The following IL34 variants were observed in gnomAD, a reference collection of about 807,000 sequenced individuals.
IL34 encodes interleukin-34.
IL34 carries 17 observed loss-of-function variants against 25.3 expected under a neutral mutation model. That is an observed-to-expected ratio of 0.67 (90% CI 0.46 to 1.01). The LOEUF is 1.01. IL34 is among the 50% of genes least tolerant of loss of function. The pLI, the probability that IL34 is intolerant of heterozygous loss-of-function variation, is 0.00. For missense variants in IL34, 368 were observed against 312.9 expected (o/e 1.18, Z -1.33); for synonymous variants, 174 against 140.9 (o/e 1.23, Z -1.66).
chr16:70,635,397 C>T (rs1013890993), intron 1 of IL34, among the ~76,000 whole-genome samples: 4 of 152,210 alleles, frequency 2.6e-5, no homozygotes, highest in Non-Finnish European at 5.9e-5. Context: ...TCTTTTGTCT[C>T]CTGCTGCTCT....
At chr16:70,617,737 G>A (rs1319165490) in intron 1 of IL34, among the ~76,000 whole-genome samples, 4 of 151,944 alleles carry the variant, frequency 2.6e-5, no homozygotes, top group Non-Finnish European at 5.9e-5. Flanking sequence ...GACCGTAAGG[G>A]ATATAAAGGT....
chr16:70,642,610 A>T (rs1405068482), upstream of IL34, among the ~76,000 whole-genome samples: 2 of 151,964 alleles, frequency 1.3e-5, no homozygotes, highest in Non-Finnish European at 2.9e-5. Context: ...TTCTTTTCTT[A>T]TAAAGGCATT....
At chr16:70,619,426 A>G (rs12928913) in intron 1 of IL34, among the ~76,000 whole-genome samples, 69,924 of 151,744 alleles carry the variant, frequency 0.46, 16,449 homozygotes, top group South Asian at 0.63. Flanking sequence ...TAGTTAGAGT[A>G]TCTCGGCCTA....
intron 1 of IL34, among the ~76,000 whole-genome samples, chr16:70,623,810 A>T (rs1261872311): frequency 6.6e-6 from 1 of 150,986 alleles, no homozygotes; most frequent in Non-Finnish European, 1.5e-5. Context: ...AGGAGTGCTT[A>T]AAAGAGTATC....
chr16:70,585,233 C>A (rs2050678930), intron 1 of IL34, among the ~76,000 whole-genome samples: 2 of 152,136 alleles, frequency 1.3e-5, no homozygotes, highest in African/African-American at 4.8e-5. Context: ...TTATGACTGG[C>A]TCATTTCACT....
intron 4 of IL34, 27 bp from the exon 5 acceptor site, chr16:70,659,591 C>A: frequency 6.3e-7 from 1 of 1,584,374 alleles, no homozygotes; most frequent in Non-Finnish European, 8.6e-7. Context: ...ATCTCGCCAC[C>A]GCTCCTGACT....
intron 1 of IL34, among the ~76,000 whole-genome samples, chr16:70,625,097 C>G (rs981203912): frequency 6.6e-6 from 1 of 152,024 alleles, no homozygotes. Context: ...CTATTTGGAA[C>G]TACTGTTGAG....
At chr16:70,621,248 G>A (rs1205556103) in intron 1 of IL34, among the ~76,000 whole-genome samples, 3 of 152,134 alleles carry the variant, frequency 2.0e-5, no homozygotes, top group African/African-American at 7.2e-5. Context: ...AATCAGAGAG[G>A]CGTCCCTGCA....
chr16:70,592,904 C>T (rs773822940), intron 1 of IL34, among the ~76,000 whole-genome samples: 14 of 152,182 alleles, frequency 9.2e-5, no homozygotes, highest in Admixed American at 1.3e-4. Context: ...CTGCCCGCCT[C>T]GGCCTCCCAA....
intron 1 of IL34, among the ~76,000 whole-genome samples, chr16:70,622,493 A>G (rs2051303543): frequency 6.6e-6 from 1 of 151,900 alleles, no homozygotes; most frequent in Non-Finnish European, 1.5e-5. Context: ...GGCTTGTACT[A>G]TAGCATAGCC....
intron 1 of IL34, among the ~76,000 whole-genome samples, chr16:70,622,172 G>A (rs1348782085): frequency 1.3e-5 from 2 of 152,170 alleles, no homozygotes; most frequent in East Asian, 1.9e-4. Flanking sequence ...GAGGAATTAT[G>A]TCTGACAAAA....
chr16:70,590,395 A>G (rs745962534), intron 1 of IL34, among the ~76,000 whole-genome samples: 15 of 152,190 alleles, frequency 9.9e-5, no homozygotes, highest in Admixed American at 5.9e-4. Context: ...CCATTAGCGG[A>G]GGCAGGTAAG....
chr16:70,585,111 A>G (rs977885851), intron 1 of IL34, among the ~76,000 whole-genome samples: 4 of 151,874 alleles, frequency 2.6e-5, no homozygotes, highest in East Asian at 3.9e-4. Flanking sequence ...CAAACTCCCC[A>G]TTTCCCTACC....
intron 2 of IL34, 124 bp downstream of exon 2, chr16:70,654,795 T>G (rs1405207343): frequency 8.0e-7 from 1 of 1,243,496 alleles, no homozygotes; most frequent in Admixed American, 2.5e-5. Context: ...ATGGCCTGTT[T>G]CTCTGCCTTT....
At chr16:70,641,644 C>A (rs1423351122), upstream of IL34, among the ~76,000 whole-genome samples, 1 of 151,092 alleles carries the variant, frequency 6.6e-6, no homozygotes, top group Non-Finnish European at 1.5e-5. Flanking sequence ...TGGCCTGTTG[C>A]TGCCTCCACC....
Position 70,648,456 on chromosome 16 carries a change from G to C in IL34, c.28+1481G>C, listed in dbSNP as rs578079478. The stretch of plus-strand genomic sequence containing the variant: ...TAATCCCAGCTACTCAGGAGGCTGA[G>C]GTGGGAGGATCACTTGAGCCCAGGA... On this transcript the variant is annotated intron_variant, in intron 1 of 5. Transcript: ENST00000288098. 4.0e-5 allele frequency among the ~76,000 whole-genome samples: 6 copies of C among 151,664 alleles called. No homozygotes were observed. In the East Asian group the frequency reaches 9.8e-4, roughly 25 times the overall value.
intron 1 of IL34, among the ~76,000 whole-genome samples, chr16:70,631,807 C>A (rs775716159): frequency 2.6e-5 from 4 of 152,100 alleles, no homozygotes; most frequent in Admixed American, 6.6e-5. Context: ...TTGTGTGTAA[C>A]CTCAGACAAG....
chr16:70,648,859 G>C (rs2151873599), intron 1 of IL34, among the ~76,000 whole-genome samples: 1 of 152,278 alleles, frequency 6.6e-6, no homozygotes, highest in South Asian at 2.1e-4. Flanking sequence ...TCCCTCTAAA[G>C]GTGCCGAGAA....
At chr16:70,644,748 AGGG>A (rs2051868744), upstream of IL34, among the ~76,000 whole-genome samples, 1 of 86,152 alleles carries the variant, frequency 1.2e-5, no homozygotes, top group African/African-American at 4.6e-5. Context: ...GAAGAGGAGG[AGGG>A]AGGAGGGAGG....
Sources: allele counts gnomAD v4.1 joint callset (sites outside exome capture counted in the v4.1 genomes callset), GRCh38; gene constraint gnomAD v4.1.1; transcripts MANE v1.5; gene names NCBI Gene and HGNC (gene_info 2026-07-23, HGNC 2026-07-21).